The following POU6F2 variants were observed in gnomAD, a reference collection of about 807,000 sequenced individuals.
POU6F2 encodes POU class 6 homeobox 2, also known as POU domain, class 6, transcription factor 2.
A neutral mutation model predicts 71.3 loss-of-function variants in POU6F2; 31 were observed. The ratio of observed to expected loss-of-function variants is 0.43; its 90% CI spans 0.33 to 0.59. The LOEUF is 0.59. Among genes scored for constraint, POU6F2 ranks in the 20% least tolerant of loss-of-function variants. The probability of loss-of-function intolerance (pLI) is 0.04; values close to 1 mark genes in which losing one functional copy is unlikely to be tolerated. For missense variants in POU6F2, 783 were observed against 856.8 expected (o/e 0.91, Z 1.07); for synonymous variants, 347 against 355.7 (o/e 0.98, Z 0.27).
intron 4 of POU6F2, among the ~76,000 whole-genome samples, chr7:39,299,245 G>A (rs887605594): frequency 2.6e-5 from 4 of 151,966 alleles, no homozygotes; most frequent in South Asian, 2.1e-4. Flanking sequence ...TTTTGAAGTC[G>A]GGCCAGGCAG....
chr7:39,398,194 C>G (rs1443232295), intron 5 of POU6F2, among the ~76,000 whole-genome samples: 1 of 152,026 alleles, frequency 6.6e-6, no homozygotes, highest in African/African-American at 2.4e-5. Context: ...CTACTGGATG[C>G]CTGGCACTGT....
intron 6 of POU6F2, 22 bp downstream of exon 6, chr7:39,406,762 G>T: frequency 6.2e-7 from 1 of 1,612,132 alleles, no homozygotes. Flanking sequence ...ATGGGAACAA[G>T]AGTGCATTTT....
intron 4 of POU6F2, among the ~76,000 whole-genome samples, chr7:39,263,601 C>A (rs1319609890): frequency 1.3e-5 from 2 of 152,156 alleles, no homozygotes; most frequent in Non-Finnish European, 2.9e-5. Context: ...TTTGTATTGG[C>A]TTTTGTGTTG....
intron 5 of POU6F2, among the ~76,000 whole-genome samples, chr7:39,364,143 C>T (rs994121122): frequency 1.3e-5 from 2 of 152,108 alleles, no homozygotes; most frequent in Non-Finnish European, 1.5e-5. Flanking sequence ...GGGGTTTTCT[C>T]TAGAGAGCAG....
intron 2 of POU6F2, among the ~76,000 whole-genome samples, chr7:39,153,116 G>C (rs1187300993): frequency 6.6e-6 from 1 of 152,140 alleles, no homozygotes; most frequent in Non-Finnish European, 1.5e-5. Context: ...GGTGATGTGC[G>C]TTGGACAAAG....
intron 4 of POU6F2, among the ~76,000 whole-genome samples, chr7:39,247,506 G>C (rs1783842810): frequency 9.1e-6 from 1 of 109,544 alleles, no homozygotes; most frequent in African/African-American, 3.3e-5. Context: ...CAGAGAGAGA[G>C]AAAGCAAGCA....
chr7:39,012,916 T>G (rs1223476343), intron 1 of POU6F2, among the ~76,000 whole-genome samples: 7 of 151,818 alleles, frequency 4.6e-5, no homozygotes, highest in African/African-American at 1.7e-4. Flanking sequence ...GGAGAACCAC[T>G]GCTCTCTTCA....
chr7:39,387,451 C>T (rs1164699436), intron 5 of POU6F2, among the ~76,000 whole-genome samples: 9 of 152,178 alleles, frequency 5.9e-5, no homozygotes, highest in Admixed American at 5.9e-4. Flanking sequence ...TCACAGTTTA[C>T]GTAGCTGATT....
chr7:39,202,999 A>G (rs996089996), intron 2 of POU6F2, among the ~76,000 whole-genome samples: 4 of 152,218 alleles, frequency 2.6e-5, no homozygotes, highest in Non-Finnish European at 5.9e-5. Flanking sequence ...TTGCACATTT[A>G]TTGCTTAATC....
intron 5 of POU6F2, among the ~76,000 whole-genome samples, chr7:39,381,894 A>G (rs1443026707): frequency 6.6e-6 from 1 of 152,138 alleles, no homozygotes; most frequent in Non-Finnish European, 1.5e-5. Flanking sequence ...TCTTTAACAA[A>G]TCCCTTGAGC....
chr7:39,214,494 G>A (rs1794202419), intron 4 of POU6F2, among the ~76,000 whole-genome samples: 2 of 152,214 alleles, frequency 1.3e-5, no homozygotes, highest in Non-Finnish European at 1.5e-5. Flanking sequence ...TCGAGGGCAA[G>A]GTCAGCAGCA....
intron 5 of POU6F2, among the ~76,000 whole-genome samples, chr7:39,397,394 AAT>A (rs547664265): frequency 2.7e-5 from 4 of 146,386 alleles, no homozygotes; most frequent in African/African-American, 7.4e-5. Context: ...TATATAGACA[AAT>A]ATATATATAG....
chr7:39,275,806 AT>A (rs1784427061), intron 4 of POU6F2, among the ~76,000 whole-genome samples: 1 of 151,850 alleles, frequency 6.6e-6, no homozygotes, highest in Non-Finnish European at 1.5e-5. Context: ...TGGGGAAAGG[AT>A]TCCCTATTTA....
chr7:39,066,077 C>G (rs1389219332), intron 1 of POU6F2, among the ~76,000 whole-genome samples: 1 of 151,754 alleles, frequency 6.6e-6, no homozygotes. Context: ...TGACAGTTAA[C>G]TCAGAATATT....
At chr7:39,034,223 G>A (rs183633377) in intron 1 of POU6F2, 2 of 167,042 alleles carry the variant, frequency 1.2e-5, no homozygotes, top group East Asian at 1.6e-4. Context: ...TATGGATTTG[G>A]GTGAGGGATG....
At chr7:39,185,451 A>C (rs1793513242) in intron 2 of POU6F2, among the ~76,000 whole-genome samples, 1 of 152,212 alleles carries the variant, frequency 6.6e-6, no homozygotes, top group Non-Finnish European at 1.5e-5. Flanking sequence ...AATGCTAATG[A>C]CTTAAAACCG....
intron 4 of POU6F2, among the ~76,000 whole-genome samples, chr7:39,302,647 G>T (rs898359240): frequency 1.3e-5 from 2 of 152,194 alleles, no homozygotes; most frequent in Non-Finnish European, 2.9e-5. Context: ...CATTTGTCTT[G>T]ACTTGAAAGA....
intron 4 of POU6F2, among the ~76,000 whole-genome samples, chr7:39,298,967 G>C (rs939841029): frequency 1.3e-5 from 2 of 152,206 alleles, no homozygotes; most frequent in East Asian, 1.9e-4. Context: ...GAGAACACAC[G>C]GACACAGGGA....
intron 2 of POU6F2, among the ~76,000 whole-genome samples, chr7:39,107,422 A>G (rs889770097): frequency 6.6e-6 from 1 of 152,208 alleles, no homozygotes; most frequent in Non-Finnish European, 1.5e-5. Flanking sequence ...CAACTTTTGT[A>G]GACTGTTAGA....
Sources: allele counts gnomAD v4.1 joint callset (sites outside exome capture counted in the v4.1 genomes callset), GRCh38; gene constraint gnomAD v4.1.1; transcripts MANE v1.5; gene names NCBI Gene and HGNC (gene_info 2026-07-23, HGNC 2026-07-21).